Variants in CACNA1H observed in about 807,000 individuals in gnomAD.
CACNA1H encodes calcium voltage-gated channel subunit alpha1 H, also known as voltage-dependent T-type calcium channel subunit alpha-1H.
In CACNA1H, 149 loss-of-function variants were observed where a neutral mutation model predicts 192.5. That is an observed-to-expected ratio of 0.77 (90% CI 0.68 to 0.89). CACNA1H has a LOEUF of 0.89. Ranked by LOEUF, CACNA1H falls within the 40% of genes least tolerant of loss-of-function variation. The pLI is 0.00. For synonymous variants in CACNA1H, 2,202 were observed against 1,475.2 expected (o/e 1.49, Z -11.29); for missense variants, 4,257 against 3,423.5 (o/e 1.24, Z -6.08).
rs1596473364 is a variant in CACNA1H at position 1,216,973 on chromosome 16, C to G, written c.5286C>G (p.Ile1762Met). 1 of 1,602,516 alleles carries G rather than the reference C, an allele frequency of 6.2e-7. No homozygotes were observed. The highest frequency in any genetic ancestry group is 1.3e-5 in the African/African-American group (1 of 74,802). Residue 1762 changes from isoleucine (I) to methionine (M), a missense_variant, in exon 31 of 35, where the codon ATC becomes ATG. Coordinates refer to ENST00000348261, the MANE Select transcript of CACNA1H (RefSeq NM_021098.3). The stretch of plus-strand genomic sequence containing the variant: ...TTCTTTTCATGCTCCTGTTTTTTAT[C>G]TATGCTGCGCTGGGAGTGGAGCTGT... ...LGLLFMLLFF[I>M]YAALGVELFG...
At chr16:1,176,337 C>T (rs572302032) in intron 2 of CACNA1H, among the ~76,000 whole-genome samples, 2 of 152,354 alleles carry the variant, frequency 1.3e-5, no homozygotes, top group East Asian at 3.9e-4. Context: ...GCTCCCCTGC[C>T]CATCCTTGGG....
intron 31 of CACNA1H, among the ~76,000 whole-genome samples, chr16:1,217,654 C>G (rs1244891883): frequency 6.6e-6 from 1 of 152,188 alleles, no homozygotes; most frequent in African/African-American, 2.4e-5. Context: ...GTCACAGACA[C>G]ACACAATAAT....
At chr16:1,172,653 C>T (rs892507605) in intron 2 of CACNA1H, among the ~76,000 whole-genome samples, 1 of 152,224 alleles carries the variant, frequency 6.6e-6, no homozygotes, top group African/African-American at 2.4e-5. Flanking sequence ...AGCCGCTTTC[C>T]CATAACCGGC....
intron 25 of CACNA1H, 80 bp from the exon 26 acceptor site, chr16:1,212,431 G>C: frequency 7.1e-7 from 1 of 1,418,214 alleles, no homozygotes; most frequent in Non-Finnish European, 9.8e-7. Context: ...CGAGACACGG[G>C]GGCTGAGGGA....
rs116813706 is a variant in CACNA1H at position 1,197,954 on chromosome 16, C to T, written c.644-661C>T. ...TCACGTAGCCCATAGCACCCAGGAC[C>T]GATGGCTTCAGTGCTACCTCCTGAA... On this transcript the variant is annotated intron_variant, in intron 5 of 34. Transcript: ENST00000348261. 2.7e-3 allele frequency among the ~76,000 whole-genome samples: 406 copies of T among 152,270 alleles called. 2 individuals carry two copies. Among genetic ancestry groups the T allele is most frequent in the African/African-American group, 8.9e-3 (369 of 41,548 alleles).
At chr16:1,188,000 G>A (rs1255711057) in intron 2 of CACNA1H, among the ~76,000 whole-genome samples, 3 of 152,258 alleles carry the variant, frequency 2.0e-5, no homozygotes, top group Admixed American at 6.5e-5. Context: ...AGATGGAGGG[G>A]CTTGTTTTGC....
intron 9 of CACNA1H, among the ~76,000 whole-genome samples, chr16:1,203,662 A>G (rs1968277319): frequency 1.3e-5 from 2 of 151,990 alleles, no homozygotes; most frequent in Admixed American, 1.3e-4. Context: ...TCTAGGGGAG[A>G]ACTCTCCTCG....
At chr16:1,185,587 G>A (rs57062555) in intron 2 of CACNA1H, among the ~76,000 whole-genome samples, 4,570 of 77,806 alleles carry the variant, frequency 0.059, 317 homozygotes, top group East Asian at 0.29. Context: ...TGGCGGGTGA[G>A]TAGACGGTCA....
Position 1,204,056 on chromosome 16 carries a change from C to G in CACNA1H, c.2049C>G (p.Cys683Trp), listed in dbSNP as rs1219422727. 6.3e-7 allele frequency: 1 copy of G among 1,592,618 alleles called. No individual in the cohort carries two copies. Among genetic ancestry groups the G allele is most frequent in the Non-Finnish European group, 8.5e-7 (1 of 1,170,692 alleles). Residue 683 changes from cysteine (C) to tryptophan (W), a missense_variant, in exon 10 of 35, where the codon TGC becomes TGG. Physicochemically the swap from Cys to Trp is radical, Grantham distance 215. Coordinates refer to ENST00000348261, the MANE Select transcript of CACNA1H (RefSeq NM_021098.3). ...ATCTGTCGGGCCTCAGTGTGCCCTGCCCCCTGCCCAGCCCCCCAGCGGGCA... is the reference window on the plus strand; with the variant it reads ...ATCTGTCGGGCCTCAGTGTGCCCTGGCCCCTGCCCAGCCCCCCAGCGGGCA... ...PGHLSGLSVP[C>W]PLPSPPAGTL...
In CACNA1H at chr16:1,211,497, TCTA is replaced by T. The variant is rs936814499; in HGVS notation, c.4373_4375del (p.Tyr1458del). On this transcript the variant is annotated inframe_deletion, in exon 23 of 35. Coordinates refer to ENST00000348261, the MANE Select transcript of CACNA1H (RefSeq NM_021098.3). ...CCCCGTCAGCTCTTCAAAGGGAAGTTCTACTACTGCGAGGGCCCCGACACCAGG... is the reference window on the plus strand; with the variant it reads ...CCCCGTCAGCTCTTCAAAGGGAAGTTCTACTGCGAGGGCCCCGACACCAGG... 2 of 1,612,304 alleles carry T rather than the reference TCTA, an allele frequency of 1.2e-6. No individual in the cohort carries two copies. The highest frequency in any genetic ancestry group is 2.7e-5 in the African/African-American group (2 of 74,894).
chr16:1,184,038 G>A (rs1336919643), intron 2 of CACNA1H, among the ~76,000 whole-genome samples: 2 of 152,216 alleles, frequency 1.3e-5, no homozygotes, highest in African/African-American at 4.8e-5. Flanking sequence ...AAGGCCAGCC[G>A]GGCTGTGCCT....
At chr16:1,189,443 G>A (rs1264968108) in intron 2 of CACNA1H, among the ~76,000 whole-genome samples, 1 of 121,266 alleles carries the variant, frequency 8.2e-6, no homozygotes, top group African/African-American at 3.1e-5. Context: ...TTGATATGGG[G>A]TCTTGCTCCG....
At chr16:1,198,478 G>C (rs2141219114) in intron 5 of CACNA1H, 137 bp from the exon 6 acceptor site, 1 of 861,914 alleles carries the variant, frequency 1.2e-6, no homozygotes. Flanking sequence ...ACCAGGGGGT[G>C]GCCCGAGTCA....
In CACNA1H at chr16:1,210,413, G is replaced by C. The variant is rs2141338845; in HGVS notation, c.3889G>C (p.Asp1297His). The stretch of plus-strand genomic sequence containing the variant: ...GAAGGTCATCACACACAAGATGTTT[G>C]ATCACGTGGTCCTCGTCTTCATCTT... ...CQKVITHKMFDHVVLVFIFLN... is the reference protein window; with the variant it reads ...CQKVITHKMFHHVVLVFIFLN... Residue 1297 changes from aspartate to histidine, a missense_variant, in exon 19 of 35, where the codon GAT becomes CAT. Transcript: ENST00000348261. 2.2e-6 allele frequency: 3 copies of C among 1,354,236 alleles called. No homozygotes were observed. In the Admixed American group the frequency reaches 6.3e-5, roughly 29 times the overall value. 83.9% of individuals were successfully genotyped at this position (1,354,236 alleles called of 1,614,324 possible).
Position 1,204,197 on chromosome 16 carries a change from C to T in CACNA1H, c.2190C>T (p.Phe730=), listed in dbSNP as rs1968363557. The T allele has an allele frequency of 1.9e-6, 3 of 1,612,102 alleles. No individual in the cohort carries two copies. Among genetic ancestry groups the T allele is most frequent in the African/African-American group, 2.7e-5 (2 of 74,938 alleles). The change falls in exon 10 of 35, where the codon TTC becomes TTT. Residue 730 remains phenylalanine (F), a synonymous_variant. Transcript: ENST00000348261. ...CAGATGGCCGTGGCGTCTATGAATTCACGCAGGACGTCCGGCACGGTGACC... is the reference window on the plus strand; with the variant it reads ...CAGATGGCCGTGGCGTCTATGAATTTACGCAGGACGTCCGGCACGGTGACC... ...GDSDGRGVYE[F]TQDVRHGDRW...
Position 1,205,123 on chromosome 16 carries a change from C to T in CACNA1H, c.2461C>T (p.Leu821=), listed in dbSNP as rs777617840. The stretch of plus-strand genomic sequence containing the variant: ...CCACCTCTGCCTGCAGCCCGAGGAG[C>T]TGACTAATGCTCTGGAGATCAGCAA... ...GVEYHEQPEE[L]TNALEISNIV... The change falls in exon 11 of 35, where the codon CTG becomes TTG. Residue 821 remains leucine (L), a synonymous_variant. Transcript: ENST00000348261. The T allele has an allele frequency of 1.2e-6, 2 of 1,611,704 alleles. No individual in the cohort carries two copies. Among genetic ancestry groups the T allele is most frequent in the African/African-American group, 2.7e-5 (2 of 74,910 alleles).
intron 6 of CACNA1H, 63 bp downstream of exon 6, chr16:1,198,837 G>T: frequency 6.8e-7 from 1 of 1,480,662 alleles, no homozygotes; most frequent in South Asian, 1.2e-5. Context: ...TGCAGATAAC[G>T]CACCATGTGG....
chr16:1,204,482 G>A, intron 10 of CACNA1H, 24 bp downstream of exon 10: 3 of 1,509,334 alleles, frequency 2.0e-6, no homozygotes, highest in East Asian at 2.3e-5. Flanking sequence ...TGGCCACGGG[G>A]TGGGCTCCCT....
chr16:1,171,844 G>A lies in CACNA1H; in HGVS notation c.299+17808G>A, dbSNP rs149957606. On this transcript the variant is annotated intron_variant, in intron 2 of 34. Transcript: ENST00000348261. ...TCCGAGCGCCAGCTGGGTCTGAGGC[G>A]TCTGTTCTGGGCTCTTCTCGCCCAC... Among the ~76,000 whole-genome samples the A allele has an allele frequency of 6.5e-3, 991 of 152,352 alleles. 8 individuals carry two copies. Among genetic ancestry groups the A allele is most frequent in the African/African-American group, 0.022 (934 of 41,574 alleles).
Sources: gnomAD v4.1 joint callset for allele counts (sites outside exome capture counted in the v4.1 genomes callset) on GRCh38, gnomAD v4.1.1 for gene constraint, MANE v1.5 for transcripts, NCBI Gene and HGNC (gene_info 2026-07-23, HGNC 2026-07-21) for gene names.